The following GPHN variants were observed in gnomAD, a reference collection of about 807,000 sequenced individuals.
GPHN encodes the protein gephyrin.
Under a neutral mutation model 95.5 loss-of-function variants are expected in GPHN, and 17 were observed. The observed-to-expected ratio is 0.18, with a 90% CI of 0.12 to 0.27. The LOEUF (loss-of-function observed/expected upper bound fraction) is 0.27. Among genes scored for constraint, GPHN ranks in the 10% least tolerant of loss-of-function variants. GPHN has a pLI of 1.00. For missense variants in GPHN, 660 were observed against 978.1 expected, an observed-to-expected ratio of 0.67 and a Z score of 4.34; for synonymous variants, 320 against 322.5, an observed-to-expected ratio of 0.99 and a Z score of 0.08.
chr14:67,265,616 G>A, the GPHN span, among the ~76,000 whole-genome samples: 1 of 151,982 alleles, frequency 6.6e-6, no homozygotes, highest in South Asian at 2.1e-4. Flanking sequence ...CAGCATTTTG[G>A]GAGGCAAAGG....
the GPHN span, among the ~76,000 whole-genome samples, chr14:67,489,618 C>A: frequency 6.6e-6 from 1 of 152,228 alleles, no homozygotes; most frequent in Non-Finnish European, 1.5e-5. Context: ...CGTCCCACAA[C>A]CTCCAGGTCA....
chr14:67,077,135 G>GGTTTT (rs754935542), intron 11 of GPHN, among the ~76,000 whole-genome samples: 89 of 152,090 alleles, frequency 5.9e-4, no homozygotes, highest in African/African-American at 1.5e-3. Context: ...TTGACTTGTG[G>GGTTTT]GTTTTGTTTT....
At chr14:67,323,868 G>T in the GPHN span, 2 of 885,226 alleles carry the variant, frequency 2.3e-6, no homozygotes, top group Admixed American at 2.6e-5. Context: ...AAACAGTCCT[G>T]GTCTAATTTG....
intron 3 of GPHN, among the ~76,000 whole-genome samples, chr14:66,807,513 G>A (rs1010212355): frequency 6.6e-6 from 1 of 152,154 alleles, no homozygotes; most frequent in Non-Finnish European, 1.5e-5. Context: ...GCATCATTCA[G>A]TAGATCATTC....
the GPHN span, chr14:67,649,176 T>A: frequency 6.6e-6 from 1 of 152,176 alleles, no homozygotes; most frequent in Non-Finnish European, 1.5e-5. Flanking sequence ...CTAGCACTTA[T>A]ATATGGCATG....
At chr14:67,193,371 A>C in the GPHN span, among the ~76,000 whole-genome samples, 1 of 132,734 alleles carries the variant, frequency 7.5e-6, no homozygotes, top group African/African-American at 2.6e-5. Flanking sequence ...TAATCTATCT[A>C]TATATCTAGA....
chr14:67,631,251 G>A, the GPHN span, among the ~76,000 whole-genome samples: 15 of 152,144 alleles, frequency 9.9e-5, no homozygotes, highest in Admixed American at 2.0e-4. Flanking sequence ...ATGTGGCTTC[G>A]TAGGCCATCA....
At chr14:66,935,517 AAAAC>A (rs2067073005) in intron 8 of GPHN, among the ~76,000 whole-genome samples, 1 of 150,786 alleles carries the variant, frequency 6.6e-6, no homozygotes, top group South Asian at 2.1e-4. Context: ...ATATATATAT[AAAAC>A]AAACATGCTG....
the GPHN span, among the ~76,000 whole-genome samples, chr14:67,284,429 T>TA: frequency 4.4e-3 from 412 of 92,632 alleles, 20 homozygotes; most frequent in South Asian, 0.021. Context: ...CCCTATCTCT[T>TA]AAAAAAAAAA....
the GPHN span, among the ~76,000 whole-genome samples, chr14:67,520,636 C>G: frequency 6.6e-6 from 1 of 152,084 alleles, no homozygotes; most frequent in African/African-American, 2.4e-5. Context: ...AATAAAGCTG[C>G]TATAAACTCC....
At chr14:67,694,275 TC>T in the GPHN span, among the ~76,000 whole-genome samples, 8 of 151,930 alleles carry the variant, frequency 5.3e-5, no homozygotes, top group Non-Finnish European at 1.2e-4. Flanking sequence ...GTTTCCCACA[TC>T]CCCTTACTGT....
the GPHN span, among the ~76,000 whole-genome samples, chr14:67,720,302 G>C: frequency 6.6e-6 from 1 of 152,102 alleles, no homozygotes; most frequent in African/African-American, 2.4e-5. Context: ...TGTCTTCAAA[G>C]CCTGTTATGA....
intron 1 of GPHN, among the ~76,000 whole-genome samples, chr14:66,616,015 G>A (rs138690547): frequency 6.6e-6 from 1 of 151,928 alleles, no homozygotes; most frequent in South Asian, 2.1e-4. Context: ...GTTTGTTGAA[G>A]ATCAGATGGT....
intron 4 of GPHN, among the ~76,000 whole-genome samples, chr14:66,829,532 A>G (rs1309750479): frequency 6.6e-6 from 1 of 152,144 alleles, no homozygotes; most frequent in East Asian, 1.9e-4. Flanking sequence ...CTTCAAAGCA[A>G]TGTATGTCCA....
chr14:67,293,997 GT>G, the GPHN span, among the ~76,000 whole-genome samples: 2 of 152,152 alleles, frequency 1.3e-5, no homozygotes, highest in Non-Finnish European at 2.9e-5. Context: ...AGCTTAAAGG[GT>G]TTTAGGAGTT....
chr14:66,782,360 A>C (rs1232041381), intron 3 of GPHN, among the ~76,000 whole-genome samples: 1 of 151,842 alleles, frequency 6.6e-6, no homozygotes, highest in East Asian at 1.9e-4. Context: ...TTTCTTTTTT[A>C]TTTTATTGGC....
chr14:67,299,959 A>C, the GPHN span, among the ~76,000 whole-genome samples: 10 of 152,324 alleles, frequency 6.6e-5, no homozygotes, highest in South Asian at 2.1e-3. Flanking sequence ...ATTAATGTAG[A>C]CTTAATAAAC....
At chr14:67,418,741 C>T in the GPHN span, among the ~76,000 whole-genome samples, 1 of 152,120 alleles carries the variant, frequency 6.6e-6, no homozygotes, top group Admixed American at 6.5e-5. Flanking sequence ...GATCGACACA[C>T]TTGTCACACT....
intron 12 of GPHN, among the ~76,000 whole-genome samples, chr14:67,095,124 T>C (rs2153672658): frequency 6.6e-6 from 1 of 152,346 alleles, no homozygotes; most frequent in East Asian, 1.9e-4. Context: ...GATACTTATT[T>C]TTCTGTCTTC....
Sources: allele counts gnomAD v4.1 joint callset (sites outside exome capture counted in the v4.1 genomes callset), GRCh38; gene constraint gnomAD v4.1.1; transcripts MANE v1.5; gene names NCBI Gene and HGNC (gene_info 2026-07-23, HGNC 2026-07-21).